Variants in AGBL4 observed in about 807,000 individuals in gnomAD.
AGBL4 encodes AGBL carboxypeptidase 4.
AGBL4 carries 58 observed loss-of-function variants against 66.4 expected under a neutral mutation model. The observed-to-expected ratio is 0.87, with a 90% CI of 0.71 to 1.09. The LOEUF (loss-of-function observed/expected upper bound fraction) is 1.09, where lower values mean the gene tolerates loss of function less well. Ranked by LOEUF, AGBL4 falls within the 50% of genes least tolerant of loss-of-function variation. The pLI is 0.00. For synonymous variants in AGBL4, 234 were observed against 222.9 expected, an observed-to-expected ratio of 1.05 and a Z score of -0.44; for missense variants, 579 against 631.0, an observed-to-expected ratio of 0.92 and a Z score of 0.88.
At chr1:49,695,619 A>G (rs12735229) in intron 3 of AGBL4, among the ~76,000 whole-genome samples, 60,854 of 151,904 alleles carry the variant, frequency 0.4, 15,526 homozygotes, top group Non-Finnish European at 0.57. Flanking sequence ...AGGAGAGTAA[A>G]TAAAACCAAA....
chr1:49,919,097 A>G (rs1430556028), intron 1 of AGBL4, among the ~76,000 whole-genome samples: 3 of 152,188 alleles, frequency 2.0e-5, no homozygotes, highest in Non-Finnish European at 4.4e-5. Context: ...AAATAATAAG[A>G]GCTATCTATG....
chr1:49,422,261 G>T (rs894044123), intron 3 of AGBL4, among the ~76,000 whole-genome samples: 2 of 152,188 alleles, frequency 1.3e-5, no homozygotes, highest in East Asian at 3.9e-4. Context: ...TATTATAACA[G>T]AAAATTTTGC....
intron 3 of AGBL4, among the ~76,000 whole-genome samples, chr1:49,371,244 G>GATACATACATAC (rs745992132): frequency 6.3e-5 from 9 of 141,952 alleles, no homozygotes; most frequent in East Asian, 2.1e-4. Context: ...TAGATAGATA[G>GATACATACATAC]ATAGATACAT....
At chr1:49,394,973 A>T (rs1644927650) in intron 3 of AGBL4, among the ~76,000 whole-genome samples, 1 of 152,146 alleles carries the variant, frequency 6.6e-6, no homozygotes, top group South Asian at 2.1e-4. Flanking sequence ...CAAACCATCA[A>T]TCTTGCCTGT....
At chr1:49,489,184 G>A (rs1647134678) in intron 3 of AGBL4, among the ~76,000 whole-genome samples, 2 of 151,480 alleles carry the variant, frequency 1.3e-5, no homozygotes, top group Non-Finnish European at 3.0e-5. Context: ...CCACATCCTC[G>A]CTTTCATTTG....
chr1:48,725,747 G>A (rs76265654), intron 6 of AGBL4, among the ~76,000 whole-genome samples: 11,470 of 152,186 alleles, frequency 0.075, 615 homozygotes, highest in Non-Finnish European at 0.12. Context: ...ATTTGTATGG[G>A]TGTAAGAATG....
At chr1:48,955,975 T>C (rs755053340) in intron 5 of AGBL4, among the ~76,000 whole-genome samples, 2 of 152,240 alleles carry the variant, frequency 1.3e-5, no homozygotes, top group Non-Finnish European at 2.9e-5. Flanking sequence ...GCTTTCACAG[T>C]GGCTGTCTGC....
intron 3 of AGBL4, among the ~76,000 whole-genome samples, chr1:49,381,215 C>T (rs1314728831): frequency 6.6e-6 from 1 of 152,164 alleles, no homozygotes; most frequent in African/African-American, 2.4e-5. Context: ...CAAAAGAAGA[C>T]ATTTATGCAG....
At chr1:49,244,461 T>A (rs1651474991) in intron 4 of AGBL4, among the ~76,000 whole-genome samples, 1 of 151,804 alleles carries the variant, frequency 6.6e-6, no homozygotes, top group African/African-American at 2.4e-5. Context: ...TATTTTCACC[T>A]TTCATAAACA....
At chr1:49,760,887 G>A (rs1571506634) in intron 2 of AGBL4, among the ~76,000 whole-genome samples, 1 of 152,130 alleles carries the variant, frequency 6.6e-6, no homozygotes, top group Non-Finnish European at 1.5e-5. Flanking sequence ...GGATGAAGCT[G>A]GAAGACATCA....
At chr1:49,217,260 T>C (rs1456786732) in intron 4 of AGBL4, among the ~76,000 whole-genome samples, 1 of 152,040 alleles carries the variant, frequency 6.6e-6, no homozygotes, top group Non-Finnish European at 1.5e-5. Context: ...TCTTCCCTCC[T>C]CCTATTTAGC....
At chr1:48,707,276 AGAGT>A (rs1390488445) in intron 6 of AGBL4, among the ~76,000 whole-genome samples, 2 of 152,220 alleles carry the variant, frequency 1.3e-5, no homozygotes, top group African/African-American at 4.8e-5. Context: ...CCTGGGTGAC[AGAGT>A]GAGACCCTAT....
intron 3 of AGBL4, among the ~76,000 whole-genome samples, chr1:49,309,102 A>G (rs896114394): frequency 6.6e-6 from 1 of 152,134 alleles, no homozygotes; most frequent in African/African-American, 2.4e-5. Context: ...TAGGTATAGC[A>G]GAAACAATAA....
intron 3 of AGBL4, among the ~76,000 whole-genome samples, chr1:49,282,376 G>A (rs1398228861): frequency 6.6e-6 from 1 of 152,192 alleles, no homozygotes; most frequent in Non-Finnish European, 1.5e-5. Flanking sequence ...AAAAAAAGGA[G>A]TAGGGGTATG....
chr1:49,854,271 T>C (rs368787996), intron 1 of AGBL4, among the ~76,000 whole-genome samples: 2 of 151,586 alleles, frequency 1.3e-5, no homozygotes, highest in Admixed American at 1.3e-4. Context: ...AGTGAGAACA[T>C]TGGAATTCAG....
chr1:49,203,228 T>C (rs556641581), intron 4 of AGBL4, among the ~76,000 whole-genome samples: 68 of 152,166 alleles, frequency 4.5e-4, no homozygotes, highest in Non-Finnish European at 8.2e-4. Flanking sequence ...CTCAGAAAAT[T>C]TGAAGTAGAA....
chr1:48,967,801 C>T (rs1486621080), intron 5 of AGBL4, among the ~76,000 whole-genome samples: 5 of 152,082 alleles, frequency 3.3e-5, no homozygotes, highest in African/African-American at 1.2e-4. Context: ...AAAAACCAAG[C>T]CTAAGCGTGT....
chr1:49,501,381 G>A (rs559732533), intron 3 of AGBL4, among the ~76,000 whole-genome samples: 3 of 152,084 alleles, frequency 2.0e-5, no homozygotes, highest in Non-Finnish European at 4.4e-5. Flanking sequence ...GTCTCCACAC[G>A]CTGTTCTGTC....
At chr1:49,184,841 T>G (rs556543195) in intron 4 of AGBL4, among the ~76,000 whole-genome samples, 2 of 152,164 alleles carry the variant, frequency 1.3e-5, no homozygotes, top group East Asian at 3.9e-4. Context: ...AGCCTCAATG[T>G]CCTCATATGA....
Sources: gnomAD v4.1 joint callset for allele counts (sites outside exome capture counted in the v4.1 genomes callset) on GRCh38, gnomAD v4.1.1 for gene constraint, MANE v1.5 for transcripts, NCBI Gene and HGNC (gene_info 2026-07-23, HGNC 2026-07-21) for gene names.